SNX7: variants seen among roughly 807,000 people sequenced by gnomAD.
SNX7 encodes the protein sorting nexin 7.
Under a neutral mutation model 48.4 loss-of-function variants are expected in SNX7, and 35 were observed. The ratio of observed to expected loss-of-function variants is 0.72; its 90% CI spans 0.55 to 0.96. The LOEUF is 0.96. Among genes scored for constraint, SNX7 ranks in the 40% least tolerant of loss-of-function variants. The probability of loss-of-function intolerance (pLI) is 0.00; values close to 1 mark genes in which losing one functional copy is unlikely to be tolerated. For synonymous variants in SNX7, 190 were observed against 190.2 expected, an observed-to-expected ratio of 1.00 and a Z score of 0.01; for missense variants, 553 against 548.9, an observed-to-expected ratio of 1.01 and a Z score of -0.07.
chr1:98,733,361 G>A (rs28583693), intron 7 of SNX7, among the ~76,000 whole-genome samples: 42,018 of 151,928 alleles, frequency 0.28, 6,131 homozygotes, highest in Middle Eastern at 0.31. Context: ...AGTTTCTGTG[G>A]CATCAGGAGT....
At chr1:98,726,282 GT>G (rs1286277636) in intron 7 of SNX7, among the ~76,000 whole-genome samples, 1 of 152,116 alleles carries the variant, frequency 6.6e-6, no homozygotes, top group Non-Finnish European at 1.5e-5. Context: ...AGAGAAGCAG[GT>G]AACACCAAAT....
chr1:98,674,162 T>C (rs1650028424), intron 1 of SNX7, among the ~76,000 whole-genome samples: 1 of 152,254 alleles, frequency 6.6e-6, no homozygotes, highest in East Asian at 1.9e-4. Flanking sequence ...ATTTTAATCA[T>C]GATTTCTTCC....
At chr1:98,672,135 C>CA (rs1353000271) in intron 1 of SNX7, among the ~76,000 whole-genome samples, 1 of 152,078 alleles carries the variant, frequency 6.6e-6, no homozygotes, top group East Asian at 1.9e-4. Flanking sequence ...TGCTGCAGTA[C>CA]AACCTCGAGA....
rs1443752945 is a variant in SNX7 at position 98,698,853 on chromosome 1, A to C, written c.986A>C (p.Glu329Ala). Residue 329 changes from glutamate (E) to alanine (A), a missense_variant, in exon 6 of 9, where the codon GAG (glutamate) becomes GCG (alanine). Glu to Ala is a moderately radical substitution (Grantham distance 107). Coordinates refer to ENST00000306121, the MANE Select transcript of SNX7 (RefSeq NM_015976.5). ...ATEKRMSGLS[E>A]ALLPVVHEYV... ...GAAAAGCGGATGTCTGGACTCTCAG[A>C]GGCCCTGCTTCCTGTTGTACATGAG... 1 of 1,613,870 alleles carries C rather than the reference A, an allele frequency of 6.2e-7. No homozygotes were observed. The highest frequency in any genetic ancestry group is 8.5e-7 in the Non-Finnish European group (1 of 1,179,806).
chr1:98,704,969 T>C (rs568088301), intron 7 of SNX7, among the ~76,000 whole-genome samples: 1 of 152,286 alleles, frequency 6.6e-6, no homozygotes, highest in Non-Finnish European at 1.5e-5. Flanking sequence ...CAGATGACCT[T>C]TGTGTGGATT....
chr1:98,684,803 T>C (rs1650694409), intron 1 of SNX7, 82 bp from the exon 2 acceptor site: 2 of 985,294 alleles, frequency 2.0e-6, no homozygotes, highest in Admixed American at 5.9e-5. Flanking sequence ...TCTTGATATA[T>C]TTCATTAATA....
At chr1:98,675,828 CTTA>C (rs1341967504) in intron 1 of SNX7, among the ~76,000 whole-genome samples, 2 of 152,082 alleles carry the variant, frequency 1.3e-5, no homozygotes, top group Non-Finnish European at 2.9e-5. Context: ...CATCCCATAA[CTTA>C]TTATTTATCT....
At chr1:98,670,217 T>C (rs2100909457) in intron 1 of SNX7, among the ~76,000 whole-genome samples, 1 of 152,280 alleles carries the variant, frequency 6.6e-6, no homozygotes, top group African/African-American at 2.4e-5. Context: ...TAGATTATAT[T>C]AGAAGAAATA....
At chr1:98,759,715 A>T (rs1655021499) in intron 8 of SNX7, among the ~76,000 whole-genome samples, 1 of 152,068 alleles carries the variant, frequency 6.6e-6, no homozygotes, top group South Asian at 2.1e-4. Flanking sequence ...GAACTGAAGT[A>T]TGTTTGTATC....
At position 98,703,737 on chromosome 1, in the gene SNX7, TAA is replaced by T. The variant is rs1651875696; in HGVS notation, c.1125+1835_1125+1836del. 2.0e-5 allele frequency among the ~76,000 whole-genome samples: 3 copies of T among 151,994 alleles called. No individual in the cohort carries two copies. The South Asian group carries it at 6.2e-4, about 32-fold the overall frequency. On this transcript the variant is annotated intron_variant, in intron 7 of 8. Coordinates refer to ENST00000306121, the MANE Select transcript of SNX7 (RefSeq NM_015976.5). ...TCTTAACTATATATAGAGAGAGAGT[TAA>T]GAGTCAATTAGAATTGACTGTGAAA...
Position 98,691,574 on chromosome 1 carries a change from C to T in SNX7, c.514C>T (p.Arg172Cys), listed in dbSNP as rs373801140. ...EKFIVKGMVE[R>C]FNDDFIETRR... is the part of the protein sequence containing the mutation. ...GTTTATAGTAAAAGGAATGGTGGAA[C>T]GCTTTAACGATGACTTCATTGAGAC... is the stretch of plus-strand genomic sequence containing the variant. Residue 172 changes from arginine to cysteine, a missense_variant, in exon 4 of 9, where the codon CGC (arginine) becomes TGC (cysteine). Physicochemically the swap from Arg to Cys is radical, Grantham distance 180. Coordinates refer to ENST00000306121, the MANE Select transcript of SNX7 (RefSeq NM_015976.5). The T allele has an allele frequency of 5.0e-6, 8 of 1,601,402 alleles. No individual in the cohort carries two copies. Among genetic ancestry groups the T allele is most frequent in the Non-Finnish European group, 6.0e-6 (7 of 1,174,824 alleles).
intron 7 of SNX7, among the ~76,000 whole-genome samples, chr1:98,730,626 C>G (rs992942197): frequency 1.3e-5 from 2 of 151,814 alleles, no homozygotes; most frequent in Non-Finnish European, 2.9e-5. Flanking sequence ...AGCAGAGAGA[C>G]AAATCATGAA....
rs1654889958 is a variant in SNX7 at position 98,757,043 on chromosome 1, C to G, written c.1279-3011C>G. 2.0e-5 allele frequency among the ~76,000 whole-genome samples: 3 copies of G among 152,100 alleles called. No homozygotes were observed. The South Asian group carries it at 6.2e-4, about 32-fold the overall frequency. On this transcript the variant is annotated intron_variant, in intron 8 of 8. Transcript: ENST00000306121. ...GTTGTTTAGAAGTGTGTAGCACCAC[C>G]TCCACCACTCCTGCATACGCCATGC...
chr1:98,740,715 A>G (rs1390582417), intron 8 of SNX7, among the ~76,000 whole-genome samples: 1 of 152,174 alleles, frequency 6.6e-6, no homozygotes, highest in East Asian at 1.9e-4. Context: ...CTAAATGAGC[A>G]TCGCTGTGCC....
rs1299991429 is a variant in SNX7 at position 98,691,657 on chromosome 1, A to G, written c.597A>G (p.Thr199=). Residue 199 remains threonine (T), a synonymous_variant, in exon 4 of 9, where the codon ACA becomes ACG. Transcript: ENST00000306121. ...GAATTGCTGATCATCCAACTTTAAC[A>G]TTTAATGAAGACTTCAAAATTTTTC... ...LNRIADHPTL[T]FNEDFKIFLT... The G allele has an allele frequency of 6.2e-7, 1 of 1,609,734 alleles. No individual in the cohort carries two copies. Among genetic ancestry groups the G allele is most frequent in the Non-Finnish European group, 8.5e-7 (1 of 1,177,858 alleles).
chr1:98,739,337 G>A (rs1010080150), intron 8 of SNX7, among the ~76,000 whole-genome samples: 1 of 152,106 alleles, frequency 6.6e-6, no homozygotes, highest in African/African-American at 2.4e-5. Context: ...CAGGGGTTGA[G>A]GACCCCTGTA....
At chr1:98,698,933 T>A (rs1198310427) in intron 6 of SNX7, 28 bp downstream of exon 6, 1 of 1,603,996 alleles carries the variant, frequency 6.2e-7, no homozygotes, top group South Asian at 1.1e-5. Context: ...TAATTTTACC[T>A]CAGTCCCTTA....
At chr1:98,675,925 C>G (rs568260507) in intron 1 of SNX7, among the ~76,000 whole-genome samples, 2 of 152,108 alleles carry the variant, frequency 1.3e-5, no homozygotes, top group Non-Finnish European at 2.9e-5. Flanking sequence ...TTCTTACTGT[C>G]TCTTAGCACA....
At chr1:98,731,902 A>C (rs965875379) in intron 7 of SNX7, among the ~76,000 whole-genome samples, 2 of 152,160 alleles carry the variant, frequency 1.3e-5, no homozygotes, top group Admixed American at 1.3e-4. Context: ...TGATTCTGCT[A>C]TGGGTACATC....
Sources: gnomAD v4.1 joint callset for allele counts (sites outside exome capture counted in the v4.1 genomes callset) on GRCh38, gnomAD v4.1.1 for gene constraint, MANE v1.5 for transcripts, NCBI Gene and HGNC (gene_info 2026-07-23, HGNC 2026-07-21) for gene names.